CELF2: variants seen among roughly 807,000 people sequenced by gnomAD.
CELF2 encodes CUGBP Elav-like family member 2.
In CELF2, 8 loss-of-function variants were observed where a neutral mutation model predicts 62.6. The observed-to-expected ratio is 0.13, with a 90% CI of 0.07 to 0.23. The LOEUF (loss-of-function observed/expected upper bound fraction) is 0.23. Ranked by LOEUF, CELF2 falls within the 10% of genes least tolerant of loss-of-function variation. The probability of loss-of-function intolerance (pLI) is 1.00; values close to 1 mark genes in which losing one functional copy is unlikely to be tolerated. For missense variants in CELF2, 333 were observed against 671.0 expected, an observed-to-expected ratio of 0.50 and a Z score of 5.56; for synonymous variants, 258 against 250.0, an observed-to-expected ratio of 1.03 and a Z score of -0.30.
chr10:10,764,778 G>A, the CELF2 span, among the ~76,000 whole-genome samples: 1 of 152,144 alleles, frequency 6.6e-6, no homozygotes, highest in Non-Finnish European at 1.5e-5. Flanking sequence ...AAGATGAAGA[G>A]GTCTCCCCCA....
At chr10:11,208,279 A>G (rs1309311079) in intron 2 of CELF2, among the ~76,000 whole-genome samples, 1 of 151,884 alleles carries the variant, frequency 6.6e-6, no homozygotes. Flanking sequence ...CCCTGACAAG[A>G]GGCACATCCA....
upstream of CELF2, among the ~76,000 whole-genome samples, chr10:11,015,326 G>A (rs2057098618): frequency 6.6e-6 from 1 of 152,068 alleles, no homozygotes; most frequent in Non-Finnish European, 1.5e-5. This position sits in a 1 kb window ranked among gnomAD's most constrained non-coding sequence, Gnocchi z 4.8. Context: ...TTTTACAAAT[G>A]GCTTTTGTGT....
At chr10:11,087,954 C>T (rs2047273730) in intron 1 of CELF2, among the ~76,000 whole-genome samples, 1 of 152,232 alleles carries the variant, frequency 6.6e-6, no homozygotes, top group Non-Finnish European at 1.5e-5. Flanking sequence ...TGTTTTCCTG[C>T]CAATGAAGTC....
chr10:10,998,983 T>G lies in CELF2; in HGVS notation c.89+78984T>G, dbSNP rs549857711. Reference sequence around the variant, plus strand: ...GAAGGTAATATACAGTTTTATCATTTTATTTTCAACGTACCCATATAAATG... The same window carrying G: ...GAAGGTAATATACAGTTTTATCATTGTATTTTCAACGTACCCATATAAATG... On this transcript the variant is annotated intron_variant, in intron 2 of 13. Coordinates refer to the CELF2 transcript ENST00000636488. Among the ~76,000 whole-genome samples, 3 of 152,350 alleles carry G rather than the reference T, an allele frequency of 2.0e-5. No individual in the cohort carries two copies. The South Asian group carries it at 6.2e-4, about 32-fold the overall frequency.
chr10:10,868,930 A>C (rs1173720049), intron 1 of CELF2, among the ~76,000 whole-genome samples: 2 of 152,216 alleles, frequency 1.3e-5, no homozygotes, highest in African/African-American at 2.4e-5. Flanking sequence ...TATGTCCCCC[A>C]TCCTAGCATG....
chr10:10,541,676 C>G, the CELF2 span, among the ~76,000 whole-genome samples: 1 of 152,138 alleles, frequency 6.6e-6, no homozygotes, highest in Non-Finnish European at 1.5e-5. Flanking sequence ...CATGCTAATG[C>G]ATTATAATTA....
chr10:10,759,529 C>T, the CELF2 span, among the ~76,000 whole-genome samples: 3 of 151,914 alleles, frequency 2.0e-5, no homozygotes, highest in African/African-American at 4.8e-5. Flanking sequence ...AGGCTGGTCT[C>T]GAACTCCTGA....
At chr10:11,121,050 T>C (rs2144173610) in intron 1 of CELF2, among the ~76,000 whole-genome samples, 1 of 152,310 alleles carries the variant, frequency 6.6e-6, no homozygotes, top group Admixed American at 6.5e-5. Context: ...CCAAGGCATG[T>C]TCCTGTCGTG....
At chr10:11,141,027 G>A (rs1596021602) in intron 1 of CELF2, among the ~76,000 whole-genome samples, 1 of 152,176 alleles carries the variant, frequency 6.6e-6, no homozygotes, top group Admixed American at 6.5e-5. Context: ...AAAAAATAAA[G>A]CATAGTTGCT....
At chr10:11,118,250 C>T (rs547997453) in intron 1 of CELF2, among the ~76,000 whole-genome samples, 1 of 152,096 alleles carries the variant, frequency 6.6e-6, no homozygotes, top group South Asian at 2.1e-4. Flanking sequence ...TCCTGGTTCT[C>T]GGTAGTCTGA....
chr10:11,014,929 A>C (rs895078102), upstream of CELF2, among the ~76,000 whole-genome samples: 11 of 152,218 alleles, frequency 7.2e-5, no homozygotes, highest in African/African-American at 2.7e-4. Flanking sequence ...AACTATGAGG[A>C]AACTTCATTG....
chr10:11,004,309 A>C (rs2054833355), upstream of CELF2, among the ~76,000 whole-genome samples: 1 of 152,044 alleles, frequency 6.6e-6, no homozygotes, highest in African/African-American at 2.4e-5. This position sits in a 1 kb window ranked among gnomAD's most constrained non-coding sequence, Gnocchi z 5.0. Flanking sequence ...AGCTGAGCGC[A>C]TTCTTGGCTT....
At chr10:11,020,931 A>G (rs1018500265) in intron 1 of CELF2, among the ~76,000 whole-genome samples, 1 of 152,256 alleles carries the variant, frequency 6.6e-6, no homozygotes, top group Non-Finnish European at 1.5e-5. Context: ...CATTTTAAAT[A>G]ATCTTGGCTA....
rs1262419939 is a variant in CELF2 at position 11,331,804 on chromosome 10, A to ATCTATGGAAACCTCTAAGGTGAGAAAG, written c.*2753_*2779dup. ...AACCTCACCATGTATTTTCTTCATA[A>ATCTATGGAAACCTCTAAGGTGAGAAAG]TCTATGGAAACCTCTAAGGTGAGAA... is the stretch of plus-strand genomic sequence containing the variant. On this transcript the variant is annotated 3_prime_UTR_variant, in exon 13 of 13. Transcript: ENST00000633077. The ATCTATGGAAACCTCTAAGGTGAGAAAG allele has an allele frequency of 5.2e-5, 8 of 152,590 alleles. No homozygotes were observed. Among genetic ancestry groups the ATCTATGGAAACCTCTAAGGTGAGAAAG allele is most frequent in the African/African-American group, 1.9e-4 (8 of 41,422 alleles). 9.5% of individuals were successfully genotyped at this position (152,590 alleles called of 1,614,324 possible).
the CELF2 span, among the ~76,000 whole-genome samples, chr10:10,574,631 C>T: frequency 0.035 from 5,368 of 152,160 alleles, 218 homozygotes; most frequent in East Asian, 0.098. Flanking sequence ...TAAGTATTCT[C>T]GTATTTGTGA....
Position 11,270,658 on chromosome 10 carries a change from G to T in CELF2, c.619-8G>T. On this transcript the variant is annotated splice_polypyrimidine_tract_variant and splice_region_variant and intron_variant, in intron 6 of 12. Transcript: ENST00000633077. This position sits in a 1 kb window ranked among gnomAD's most constrained non-coding sequence, Gnocchi z 5.8. Reference sequence around the variant, plus strand: ...CCCCTCTCCACTTTCCAATGTGTCTGACCACAGGGCTGCTCTTCACCTATC... The same window carrying T: ...CCCCTCTCCACTTTCCAATGTGTCTTACCACAGGGCTGCTCTTCACCTATC... 1.4e-6 allele frequency: 2 copies of T among 1,436,876 alleles called. No homozygotes were observed. The highest frequency in any genetic ancestry group is 3.1e-5 in the South Asian group (2 of 64,098). The allele number at this position is 1,436,876 out of a possible 1,614,324, so 89.0% of individuals were successfully genotyped here.
chr10:10,678,500 A>C, the CELF2 span, among the ~76,000 whole-genome samples: 1 of 152,180 alleles, frequency 6.6e-6, no homozygotes, highest in Non-Finnish European at 1.5e-5. Context: ...GCTTGGTTAC[A>C]TAAACATGGT....
chr10:10,560,033 A>T, the CELF2 span, among the ~76,000 whole-genome samples: 4 of 152,172 alleles, frequency 2.6e-5, no homozygotes, highest in Non-Finnish European at 5.9e-5. Flanking sequence ...TAGTCTCAGT[A>T]AAAGAGGAAA....
At chr10:10,558,551 A>G in the CELF2 span, among the ~76,000 whole-genome samples, 1 of 152,108 alleles carries the variant, frequency 6.6e-6, no homozygotes, top group Non-Finnish European at 1.5e-5. Context: ...TGGCCTCATA[A>G]AATGAGTTAG....
Sources: allele counts gnomAD v4.1 joint callset (sites outside exome capture counted in the v4.1 genomes callset), GRCh38; gene constraint gnomAD v4.1.1; non-coding constraint Gnocchi (gnomAD v3.1); transcripts MANE v1.5; gene names NCBI Gene and HGNC (gene_info 2026-07-23, HGNC 2026-07-21).